The following SEMA4C variants were observed in gnomAD, a reference collection of about 807,000 sequenced individuals.
The protein encoded by SEMA4C is semaphorin-4C.
In SEMA4C, 19 loss-of-function variants were observed where a neutral mutation model predicts 89.0. The ratio of observed to expected loss-of-function variants is 0.21; its 90% CI spans 0.15 to 0.31. The LOEUF (loss-of-function observed/expected upper bound fraction) is 0.31. SEMA4C is among the 10% of genes least tolerant of loss of function. The pLI, the probability that SEMA4C is intolerant of heterozygous loss-of-function variation, is 1.00. For missense variants in SEMA4C, 811 were observed against 1,107.0 expected (o/e 0.73, Z 3.79); for synonymous variants, 428 against 472.7 (o/e 0.91, Z 1.23).
rs534891081 is a variant in SEMA4C at position 96,865,646 on chromosome 2, G to T, written c.420+20C>A. 1 of 1,611,616 alleles carries T rather than the reference G, an allele frequency of 6.2e-7. No homozygotes were observed. Among genetic ancestry groups the T allele is most frequent in the South Asian group, 1.1e-5 (1 of 91,044 alleles). The stretch of plus-strand genomic sequence containing the variant: ...GAGGGCGGGGGGCTGGGGACACCGA[G>T]GTAGGAGGGCAGCACTCACGACGTA... On this transcript the variant is annotated intron_variant, in intron 5 of 14. Transcript: ENST00000305476.
At position 96,867,798 on chromosome 2, in the gene SEMA4C, C is replaced by G. The variant is rs749872592; in HGVS notation, c.89G>C (p.Arg30Pro). The stretch of plus-strand genomic sequence containing the variant: ...CTCACCCCCAGAAGACACTGTCTTA[C>G]GCGGCACAAGGTTCCACCACACCTC... ...GAEVWWNLVP[R>P]KTVSSGELAT... The change falls in exon 2 of 15, where the codon CGT becomes CCT. Residue 30 changes from arginine (R) to proline (P), a missense_variant. Physicochemically the swap from Arg to Pro is moderately radical, Grantham distance 103. Around this residue, in one of 4 missense-constraint regions of SEMA4C, gnomAD observed 119 missense variants for 152.7 expected, o/e 0.78. Transcript: ENST00000305476. 2 of 1,613,526 alleles carry G rather than the reference C, an allele frequency of 1.2e-6. No individual in the cohort carries two copies. Among genetic ancestry groups the G allele is most frequent in the South Asian group, 1.1e-5 (1 of 91,062 alleles).
chr2:96,861,701 C>A lies in SEMA4C; in HGVS notation c.1601+36G>T, dbSNP rs764813368. On this transcript the variant is annotated intron_variant, in intron 13 of 14. Transcript: ENST00000305476. The surrounding 1 kb of genome is among the most constrained non-coding windows in gnomAD (Gnocchi z 7.8). Reference sequence around the variant, plus strand: ...CAGCCTGGCTCCAACCACCCTGAGTCCCTGGAGGTCCTGGCCTATGTAGAG... The same window carrying A: ...CAGCCTGGCTCCAACCACCCTGAGTACCTGGAGGTCCTGGCCTATGTAGAG... 6.2e-7 allele frequency: 1 copy of A among 1,605,778 alleles called. No individual in the cohort carries two copies. Among genetic ancestry groups the A allele is most frequent in the East Asian group, 2.2e-5 (1 of 44,660 alleles).
chr2:96,860,342 A>ATCTTGAAACT lies in SEMA4C; in HGVS notation c.*274_*283dup, dbSNP rs2079912515. On this transcript the variant is annotated 3_prime_UTR_variant, in exon 15 of 15. Transcript: ENST00000305476. ...CATGTGCAAATACAGACAAACACAC[A>ATCTTGAAACT]TCTTGAAACTTCTGCCTTGAAAAGT... 2.1e-6 allele frequency: 1 copy of ATCTTGAAACT among 483,638 alleles called. No homozygotes were observed. Among genetic ancestry groups the ATCTTGAAACT allele is most frequent in the African/African-American group, 1.9e-5 (1 of 51,548 alleles). The allele number at this position is 483,638 out of a possible 1,614,324, so 30.0% of individuals were successfully genotyped here.
chr2:96,862,651 AG>A (rs1269331481), intron 12 of SEMA4C: 1 of 152,278 alleles, frequency 6.6e-6, no homozygotes, highest in African/African-American at 2.4e-5. Context: ...TCGCAAGGTC[AG>A]GAGATCGAGA....
Position 96,860,798 on chromosome 2 carries a change from TGAAGCCGAGTTGGA to T in SEMA4C, c.2316_2329del (p.Thr774GlyfsTer30), listed in dbSNP as rs1382700295. On this transcript the variant is annotated frameshift_variant, in exon 15 of 15. Coordinates refer to ENST00000305476, the MANE Select transcript of SEMA4C (RefSeq NM_017789.5). LOFTEE classifies it high-confidence loss of function. ...ATTTGAGTTCCGCCCACCCCCCAGG[TGAAGCCGAGTTGGA>T]GAAGGCAGAGGCTGGCCTGGGATGC... 6.2e-7 allele frequency: 1 copy of T among 1,613,572 alleles called. No individual in the cohort carries two copies. Among genetic ancestry groups the T allele is most frequent in the African/African-American group, 1.3e-5 (1 of 74,900 alleles).
In SEMA4C at chr2:96,861,873, G is replaced by A. The variant is rs201412486; in HGVS notation, c.1465C>T (p.Arg489Cys). ...ACGGGCAGCTGCACCAGCTGAGAGC[G>A]GGAGCCGGCAAAGAGCAGCTTCTGC... ...QSKKLLFAGS[R>C]SQLVQLPVAD... is the part of the protein sequence containing the mutation. Residue 489 changes from arginine to cysteine, a missense_variant, in exon 13 of 15, where the codon CGC becomes TGC. Arg to Cys is a radical substitution (Grantham distance 180). Transcript: ENST00000305476. The surrounding 1 kb of genome is among the most constrained non-coding windows in gnomAD (Gnocchi z 7.8). 19 of 1,611,556 alleles carry A rather than the reference G, an allele frequency of 1.2e-5. No homozygotes were observed. The highest frequency in any genetic ancestry group is 1.4e-5 in the Non-Finnish European group (16 of 1,179,472).
intron 11 of SEMA4C, 59 bp downstream of exon 11, chr2:96,863,867 T>C: frequency 6.3e-7 from 1 of 1,598,680 alleles, no homozygotes; most frequent in South Asian, 1.1e-5. Flanking sequence ...CTCCCTGCCC[T>C]GGGCACACGG....
Position 96,863,705 on chromosome 2 carries a change from T to A in SEMA4C, c.1420A>T (p.Ser474Cys). ...ACCTTGCTCTGAGATAGCACCAGGCTTCTCATGGGCTCCTGGTCAAACAGC... is the reference window on the plus strand; with the variant it reads ...ACCTTGCTCTGAGATAGCACCAGGCATCTCATGGGCTCCTGGTCAAACAGC... The part of the protein sequence containing the change: ...LQLFDQEPMR[S>C]LVLSQSKKLL... The change falls in exon 12 of 15, where the codon AGC becomes TGC. Residue 474 changes from serine to cysteine, a missense_variant. Ser to Cys is a moderately radical substitution (Grantham distance 112). Transcript: ENST00000305476. 1 of 1,613,994 alleles carries A rather than the reference T, an allele frequency of 6.2e-7. No individual in the cohort carries two copies. The highest frequency in any genetic ancestry group is 1.3e-5 in the African/African-American group (1 of 75,042).
At chr2:96,869,044 G>A in intron 1 of SEMA4C, 1 of 985,238 alleles carries the variant, frequency 1.0e-6, no homozygotes, top group Non-Finnish European at 1.2e-6. Context: ...GGATTTGAAC[G>A]CAAACAAAGC....
intron 1 of SEMA4C, chr2:96,869,467 T>TGGGC (rs1490807016): frequency 7.0e-5 from 19 of 271,954 alleles, no homozygotes; most frequent in Middle Eastern, 1.6e-3. Flanking sequence ...CCCAGCGGAA[T>TGGGC]GGGCGGGCGG....
intron 2 of SEMA4C, among the ~76,000 whole-genome samples, chr2:96,867,186 A>G (rs974676916): frequency 6.6e-6 from 1 of 152,196 alleles, no homozygotes; most frequent in African/African-American, 2.4e-5. Context: ...CAATGGATCC[A>G]GACACAGACC....
intron 2 of SEMA4C, 139 bp from the exon 3 acceptor site, chr2:96,866,570 G>T: frequency 8.0e-7 from 1 of 1,249,362 alleles, no homozygotes; most frequent in Non-Finnish European, 1.1e-6. Context: ...GGACACTTTT[G>T]AAACAGCCTT....
chr2:96,861,036 C>T lies in SEMA4C; in HGVS notation c.2092G>A (p.Ala698Thr), dbSNP rs1226976452. 1.9e-6 allele frequency: 3 copies of T among 1,612,788 alleles called. No homozygotes were observed. In the African/African-American group the frequency reaches 4.0e-5, roughly 22 times the overall value. ...RRLREELEKG[A>T]KATERTLVYP... ...ACCAAGGTCCTCTCAGTAGCCTTGGCCCCTTTCTCCAGCTCTTCCCGCAGC... is the reference window on the plus strand; with the variant it reads ...ACCAAGGTCCTCTCAGTAGCCTTGGTCCCTTTCTCCAGCTCTTCCCGCAGC... The change falls in exon 15 of 15, where the codon GCC (alanine) becomes ACC (threonine). Residue 698 changes from alanine to threonine, a missense_variant. Coordinates refer to ENST00000305476, the MANE Select transcript of SEMA4C (RefSeq NM_017789.5). This position sits in a 1 kb window ranked among gnomAD's most constrained non-coding sequence, Gnocchi z 7.8.
chr2:96,866,652 GAGGA>G, intron 2 of SEMA4C: 1 of 696,726 alleles, frequency 1.4e-6, no homozygotes, highest in Non-Finnish European at 2.6e-6. Context: ...AGGCTGCTGG[GAGGA>G]AGGAAGGATA....
chr2:96,860,626 T>C lies in SEMA4C; in HGVS notation c.2502A>G (p.Ter834TrpextTer14). ...CCCGCCGACGCGGTGGGGGTTCCCC[T>C]CATACTGATGACTCCTCGGGGTTGG... ...PDSNPEESSV[*>W] Residue 834 changes from the stop codon to tryptophan (W), a stop_lost, in exon 15 of 15, where the codon TGA (stop) becomes TGG (tryptophan). Coordinates refer to ENST00000305476, the MANE Select transcript of SEMA4C (RefSeq NM_017789.5). 6.2e-7 allele frequency: 1 copy of C among 1,603,424 alleles called. No individual in the cohort carries two copies. Among genetic ancestry groups the C allele is most frequent in the Non-Finnish European group, 8.5e-7 (1 of 1,173,956 alleles).
upstream of SEMA4C, chr2:96,870,114 G>A: frequency 1.0e-6 from 1 of 970,512 alleles, no homozygotes. Context: ...CCTTCCCCTT[G>A]ACGTCAGGCT....
chr2:96,868,665 C>G (rs757411565), intron 1 of SEMA4C: 1 of 985,484 alleles, frequency 1.0e-6, no homozygotes. Flanking sequence ...CTCCGAAACA[C>G]CAGCCCTCTG....
In SEMA4C at chr2:96,860,748, G is replaced by A; in HGVS notation, c.2380C>T (p.Leu794=). 1 of 1,613,888 alleles carries A rather than the reference G, an allele frequency of 6.2e-7. No individual in the cohort carries two copies. Among genetic ancestry groups the A allele is most frequent in the Middle Eastern group, 1.6e-4 (1 of 6,062 alleles). Residue 794 remains leucine, a synonymous_variant, in exon 15 of 15, where the codon CTA becomes TTA. Transcript: ENST00000305476. ...SNANGYVRLQ[L]GGEDRGGLGH... is the part of the protein sequence containing the mutation. ...AGCCCTCCCCGGTCCTCCCCTCCTA[G>A]TTGTAAGCGCACGTAACCATTGGCA... is the stretch of plus-strand genomic sequence containing the variant.
At chr2:96,870,816 ACCACCAGCCTCCGC>A (rs1191639600), upstream of SEMA4C, 1 of 944,580 alleles carries the variant, frequency 1.1e-6, no homozygotes, top group Admixed American at 6.2e-5. Flanking sequence ...CACCTTCAGA[ACCACCAGCCTCCGC>A]CCACAGCCAC....
Sources: allele counts gnomAD v4.1 joint callset (sites outside exome capture counted in the v4.1 genomes callset), GRCh38; gene constraint gnomAD v4.1.1; regional missense constraint gnomAD v4.1.1; non-coding constraint Gnocchi (gnomAD v3.1); transcripts MANE v1.5; gene names NCBI Gene and HGNC (gene_info 2026-07-23, HGNC 2026-07-21).